DIRAS2: variants seen among roughly 807,000 people sequenced by gnomAD.
The protein encoded by DIRAS2 is GTP-binding protein Di-Ras2.
DIRAS2 carries 5 observed loss-of-function variants against 13.9 expected under a neutral mutation model. That is an observed-to-expected ratio of 0.36 (90% CI 0.19 to 0.76). The LOEUF is 0.76. Among genes scored for constraint, DIRAS2 ranks in the 30% least tolerant of loss-of-function variants. DIRAS2 has a pLI of 0.53. For missense variants in DIRAS2, 191 were observed against 263.0 expected, an observed-to-expected ratio of 0.73 and a Z score of 1.89; for synonymous variants, 111 against 105.4, an observed-to-expected ratio of 1.05 and a Z score of -0.33.
Position 90,614,306 on chromosome 9 carries a change from A to ATGTGTGTGTGTGTGTGTGTG in DIRAS2, c.-36-463_-36-444dup, listed in dbSNP as rs34548591. ...AGTACCCAATATACTGGTCATCATA[A>ATGTGTGTGTGTGTGTGTGTG]TGTGTGTGTGTGTGTGTGTGTGTGT... is the stretch of plus-strand genomic sequence containing the variant. On this transcript the variant is annotated intron_variant, in intron 1 of 1. Transcript: ENST00000375765. Among the ~76,000 whole-genome samples, 3 of 134,796 alleles carry ATGTGTGTGTGTGTGTGTGTG rather than the reference A, an allele frequency of 2.2e-5. No homozygotes were observed. In the East Asian group the frequency reaches 6.5e-4, roughly 29 times the overall value. The allele number at this position is 134,796 out of a possible 152,430, so 88.4% of individuals were successfully genotyped here.
intron 1 of DIRAS2, among the ~76,000 whole-genome samples, chr9:90,633,035 C>A (rs1437595461): frequency 1.3e-5 from 2 of 151,850 alleles, no homozygotes; most frequent in Non-Finnish European, 2.9e-5. Context: ...AAGGAGACAG[C>A]ACGGAGCCTT....
chr9:90,635,600 A>T (rs1251476500), intron 1 of DIRAS2, among the ~76,000 whole-genome samples: 1 of 152,230 alleles, frequency 6.6e-6, no homozygotes, highest in Admixed American at 6.5e-5. Flanking sequence ...GTTTGGAGGA[A>T]AACATGGGTT....
chr9:90,613,628 T>G lies in DIRAS2; in HGVS notation c.200A>C (p.Gln67Pro). The G allele has an allele frequency of 6.2e-7, 1 of 1,614,178 alleles. No homozygotes were observed. Among genetic ancestry groups the G allele is most frequent in the Non-Finnish European group, 8.5e-7 (1 of 1,180,036 alleles). ...LQITDTTGSH[Q>P]FPAMQRLSIS... The stretch of plus-strand genomic sequence containing the variant: ...GGACAGCCGCTGCATGGCCGGGAAC[T>G]GGTGGCTCCCCGTCGTGTCGGTGAT... The change falls in exon 2 of 2, where the codon CAG becomes CCG. Residue 67 changes from glutamine to proline, a missense_variant. Coordinates refer to ENST00000375765, the MANE Select transcript of DIRAS2 (RefSeq NM_017594.5). This position sits in a 1 kb window ranked among gnomAD's most constrained non-coding sequence, Gnocchi z 5.6.
At chr9:90,639,938 A>G (rs1564023778) in intron 1 of DIRAS2, among the ~76,000 whole-genome samples, 1 of 152,214 alleles carries the variant, frequency 6.6e-6, no homozygotes. Context: ...CAATTGAGTA[A>G]TGATCTATAG....
intron 1 of DIRAS2, among the ~76,000 whole-genome samples, chr9:90,630,231 G>T (rs1825311502): frequency 6.6e-6 from 1 of 152,166 alleles, no homozygotes; most frequent in Admixed American, 6.5e-5. Context: ...TTGACTATTT[G>T]CTGTGGAAAT....
chr9:90,638,888 A>G (rs907405469), intron 1 of DIRAS2, among the ~76,000 whole-genome samples: 1 of 152,184 alleles, frequency 6.6e-6, no homozygotes, highest in African/African-American at 2.4e-5. Context: ...AAGTGCTCCA[A>G]TAAAACAGAG....
intron 1 of DIRAS2, among the ~76,000 whole-genome samples, chr9:90,627,943 A>T (rs1039645074): frequency 6.6e-6 from 1 of 152,174 alleles, no homozygotes; most frequent in Non-Finnish European, 1.5e-5. Context: ...GCAGGTTGAT[A>T]GGTGCAGCAA....
intron 1 of DIRAS2, among the ~76,000 whole-genome samples, chr9:90,614,195 C>T (rs1825144175): frequency 6.6e-6 from 1 of 152,042 alleles, no homozygotes; most frequent in Admixed American, 6.6e-5. Flanking sequence ...AATTAACTAC[C>T]CCCGTAAAAA....
At chr9:90,630,257 T>C (rs1825312593) in intron 1 of DIRAS2, among the ~76,000 whole-genome samples, 1 of 152,194 alleles carries the variant, frequency 6.6e-6, no homozygotes, top group Non-Finnish European at 1.5e-5. Context: ...TTTGTGTGTG[T>C]GATCCAACAA....
At chr9:90,626,477 A>C (rs926225092) in intron 1 of DIRAS2, among the ~76,000 whole-genome samples, 1 of 151,758 alleles carries the variant, frequency 6.6e-6, no homozygotes, top group East Asian at 1.9e-4. Flanking sequence ...ACTTGAATAG[A>C]TATTTCTCTA....
At chr9:90,632,375 C>G (rs1047835386) in intron 1 of DIRAS2, among the ~76,000 whole-genome samples, 6 of 152,168 alleles carry the variant, frequency 3.9e-5, no homozygotes, top group Non-Finnish European at 5.9e-5. Context: ...GCTCCCACTA[C>G]CCAGACCCTC....
At position 90,611,010 on chromosome 9, in the gene DIRAS2, A is replaced by G. The variant is rs934081653; in HGVS notation, c.*2218T>C. The G allele has an allele frequency of 6.6e-6, 1 of 152,222 alleles. No homozygotes were observed. Among genetic ancestry groups the G allele is most frequent in the Non-Finnish European group, 1.5e-5 (1 of 68,046 alleles). The allele number at this position is 152,222 out of a possible 1,614,324, so 9.4% of individuals were successfully genotyped here. A position where few individuals can be genotyped will look rare whatever the true frequency, so the allele number is the denominator to read the frequency against. On this transcript the variant is annotated 3_prime_UTR_variant, in exon 2 of 2. Coordinates refer to ENST00000375765, the MANE Select transcript of DIRAS2 (RefSeq NM_017594.5). Reference sequence around the variant, plus strand: ...CCTTATTAATACTACAGTCAGTGGCAAAGATCGCATTCTACTGTTAACAAA... The same window carrying G: ...CCTTATTAATACTACAGTCAGTGGCGAAGATCGCATTCTACTGTTAACAAA...
intron 1 of DIRAS2, among the ~76,000 whole-genome samples, chr9:90,635,160 C>T (rs1281895247): frequency 3.3e-5 from 5 of 152,216 alleles, no homozygotes; most frequent in African/African-American, 1.2e-4. Flanking sequence ...CAGACAATCA[C>T]AAGAGCCTAG....
At position 90,629,791 on chromosome 9, in the gene DIRAS2, G is replaced by A. The variant is rs567812646; in HGVS notation, c.-37+12961C>T. Among the ~76,000 whole-genome samples, 4 of 152,224 alleles carry A rather than the reference G, an allele frequency of 2.6e-5. No homozygotes were observed. The South Asian group carries it at 8.3e-4, about 32-fold the overall frequency. ...TGCATCATTTAGGAAATAATGACATGAGAAAGAAAGTCTACATGTTCAGTA... is the reference window on the plus strand; with the variant it reads ...TGCATCATTTAGGAAATAATGACATAAGAAAGAAAGTCTACATGTTCAGTA... On this transcript the variant is annotated intron_variant, in intron 1 of 1. Transcript: ENST00000375765.
At chr9:90,625,255 T>G (rs969189462) in intron 1 of DIRAS2, among the ~76,000 whole-genome samples, 1 of 152,220 alleles carries the variant, frequency 6.6e-6, no homozygotes, top group African/African-American at 2.4e-5. Flanking sequence ...GGGCTACCTA[T>G]GTATTCTTGG....
intron 1 of DIRAS2, among the ~76,000 whole-genome samples, chr9:90,614,551 C>G (rs1298274880): frequency 6.6e-6 from 1 of 152,036 alleles, no homozygotes; most frequent in Non-Finnish European, 1.5e-5. Flanking sequence ...AGAGGGAAGG[C>G]TAGGATACAA....
chr9:90,624,446 C>T (rs753700834), intron 1 of DIRAS2, among the ~76,000 whole-genome samples: 33 of 152,154 alleles, frequency 2.2e-4, no homozygotes, highest in Non-Finnish European at 4.4e-4. Context: ...GGGGCAGGTA[C>T]GAAAGCAAGA....
chr9:90,629,100 C>T (rs957215084), intron 1 of DIRAS2, among the ~76,000 whole-genome samples: 4 of 150,906 alleles, frequency 2.7e-5, no homozygotes, highest in Admixed American at 1.3e-4. Context: ...GTGATCTGCC[C>T]GCCTCGGCCT....
chr9:90,610,343 A>T lies in DIRAS2; in HGVS notation c.*2885T>A, dbSNP rs1825098737. On this transcript the variant is annotated 3_prime_UTR_variant, in exon 2 of 2. Transcript: ENST00000375765. ...GGAAGATAAATTATATATTTTATATACATGTAATTTTAGATAGAATGAACA... is the reference window on the plus strand; with the variant it reads ...GGAAGATAAATTATATATTTTATATTCATGTAATTTTAGATAGAATGAACA... 5 of 398,790 alleles carry T rather than the reference A, an allele frequency of 1.3e-5. No individual in the cohort carries two copies. In the South Asian group the frequency reaches 6.4e-4, roughly 51 times the overall value. The allele number at this position is 398,790 out of a possible 1,614,324, so 24.7% of individuals were successfully genotyped here. A position where few individuals can be genotyped will look rare whatever the true frequency, so the allele number is the denominator to read the frequency against.
Sources: gnomAD v4.1 joint callset for allele counts (sites outside exome capture counted in the v4.1 genomes callset) on GRCh38, gnomAD v4.1.1 for gene constraint, Gnocchi (gnomAD v3.1) non-coding constraint, MANE v1.5 for transcripts, NCBI Gene and HGNC (gene_info 2026-07-23, HGNC 2026-07-21) for gene names.